MCC: variants seen among roughly 807,000 people sequenced by gnomAD.
MCC encodes MCC regulator of Wnt signaling pathway.
A neutral mutation model predicts 116.2 loss-of-function variants in MCC; 90 were observed. The observed-to-expected ratio is 0.77, with a 90% CI of 0.65 to 0.92. The LOEUF (loss-of-function observed/expected upper bound fraction) is 0.92, where lower values mean the gene tolerates loss of function less well. MCC is among the 40% of genes least tolerant of loss of function. The pLI is 0.00. For synonymous variants in MCC, 578 were observed against 510.5 expected (o/e 1.13, Z -1.78); for missense variants, 1,516 against 1,312.2 (o/e 1.16, Z -2.40).
intron 1 of MCC, among the ~76,000 whole-genome samples, chr5:113,479,055 C>T (rs1046819994): frequency 1.3e-5 from 2 of 152,022 alleles, no homozygotes; most frequent in Non-Finnish European, 2.9e-5. Context: ...TTACAATAGC[C>T]TCAAACTAGA....
Position 113,187,219 on chromosome 5 carries a change from G to T in MCC, c.628-35797C>A, listed in dbSNP as rs958934968. Among the ~76,000 whole-genome samples, 14 of 152,108 alleles carry T rather than the reference G, an allele frequency of 9.2e-5. No homozygotes were observed. In the East Asian group the frequency reaches 9.7e-4, roughly 10 times the overall value. ...GTTCAAGCAAGTTCAAGCAATTCTT[G>T]TGCCCCAGCCTCCTGAGCAGTTGGG... On this transcript the variant is annotated intron_variant, in intron 3 of 18. Transcript: ENST00000408903.
At chr5:113,194,098 G>C (rs1424511833) in intron 3 of MCC, among the ~76,000 whole-genome samples, 1 of 152,116 alleles carries the variant, frequency 6.6e-6, no homozygotes, top group East Asian at 1.9e-4. Context: ...GACTCCTATA[G>C]ATCTAAGCTT....
At chr5:113,275,122 G>A (rs996916557) in intron 3 of MCC, among the ~76,000 whole-genome samples, 4 of 152,078 alleles carry the variant, frequency 2.6e-5, no homozygotes, top group Non-Finnish European at 5.9e-5. Flanking sequence ...AGTCCATCGC[G>A]CGGGTGGGCC....
intron 1 of MCC, among the ~76,000 whole-genome samples, chr5:113,458,906 G>C (rs1459015847): frequency 1.3e-5 from 2 of 152,286 alleles, no homozygotes; most frequent in East Asian, 3.9e-4. Context: ...CTAGAGCAAA[G>C]GTTCAGAAGA....
At position 113,104,314 on chromosome 5, in the gene MCC, T is replaced by C. The variant is rs1756606809; in HGVS notation, c.1069A>G (p.Thr357Ala). The C allele has an allele frequency of 3.1e-6, 5 of 1,613,778 alleles. No homozygotes were observed. The South Asian group carries it at 5.5e-5, about 18-fold the overall frequency. The change falls in exon 7 of 19, where the codon ACA becomes GCA. Residue 357 changes from threonine to alanine, a missense_variant. Transcript: ENST00000408903. The part of the protein sequence containing the change: ...DLNSELQRVL[T>A]GLENVVCGRK... ...CCGCAGACAACATTCTCCAGCCCTG[T>C]CAGCACCCTCTGCAGTTCTGAGTTC...
rs1770094781 is a variant in MCC, at chr5:113,414,710, T to C, written c.171-29498A>G. On this transcript the variant is annotated intron_variant, in intron 1 of 18. Coordinates refer to ENST00000408903, the MANE Select transcript of MCC (RefSeq NM_001085377.2). ...ATATAGGACACTGATGGGTCTTGAC[T>C]CTTTATCCAATTTGCCAGTCTGTGT... Among the ~76,000 whole-genome samples the C allele has an allele frequency of 2.0e-5, 3 of 152,336 alleles. No individual in the cohort carries two copies. The South Asian group carries it at 6.2e-4, about 32-fold the overall frequency.
chr5:113,123,430 G>A (rs529296604), intron 5 of MCC, among the ~76,000 whole-genome samples: 2 of 152,332 alleles, frequency 1.3e-5, no homozygotes, highest in Middle Eastern at 3.4e-3. Flanking sequence ...AGGATGCAAT[G>A]AGGAGAAAAC....
At position 113,302,269 on chromosome 5, in the gene MCC, T is replaced by C. The variant is rs1766881625; in HGVS notation, c.627+38250A>G. 2.6e-5 allele frequency among the ~76,000 whole-genome samples: 4 copies of C among 152,106 alleles called. No homozygotes were observed. The South Asian group carries it at 6.2e-4, about 24-fold the overall frequency. On this transcript the variant is annotated intron_variant, in intron 3 of 18. Transcript: ENST00000408903. ...TACATTAACCACAAAAAAAACCCTA[T>C]ATAACTCTACTAGACAAAACAATGT...
At position 113,149,021 on chromosome 5, in the gene MCC, C is replaced by A. The variant is rs570842017; in HGVS notation, c.741+2288G>T. The stretch of plus-strand genomic sequence containing the variant: ...CCTCTGTAAAAGCTGTCTTTGTAGG[C>A]TTAAATTTTAATAAATACCTTCCTG... On this transcript the variant is annotated intron_variant, in intron 4 of 18. Transcript: ENST00000408903. Among the ~76,000 whole-genome samples, 22 of 152,274 alleles carry A rather than the reference C, an allele frequency of 1.4e-4. No individual in the cohort carries two copies. The South Asian group carries it at 4.4e-3, about 30-fold the overall frequency.
At chr5:113,359,137 T>C (rs1768484384) in intron 2 of MCC, among the ~76,000 whole-genome samples, 1 of 152,176 alleles carries the variant, frequency 6.6e-6, no homozygotes, top group Non-Finnish European at 1.5e-5. Flanking sequence ...AGCTTATTAG[T>C]GTCTTATTTA....
At chr5:113,389,201 C>T (rs544554530) in intron 1 of MCC, among the ~76,000 whole-genome samples, 8 of 152,122 alleles carry the variant, frequency 5.3e-5, no homozygotes, top group East Asian at 3.8e-4. Context: ...GAACTTGAAT[C>T]GCAGGGTATT....
intron 15 of MCC, among the ~76,000 whole-genome samples, chr5:113,049,874 G>T (rs908456192): frequency 6.6e-6 from 1 of 152,184 alleles, no homozygotes; most frequent in African/African-American, 2.4e-5. Flanking sequence ...GGGCCCAAAT[G>T]AAATCAATAG....
At chr5:113,424,501 G>A (rs984377521) in intron 1 of MCC, among the ~76,000 whole-genome samples, 2 of 152,126 alleles carry the variant, frequency 1.3e-5, no homozygotes, top group African/African-American at 4.8e-5. Flanking sequence ...GATCACTTGA[G>A]GTTAGGAGTT....
chr5:113,349,188 A>G (rs1446799216), intron 2 of MCC, among the ~76,000 whole-genome samples: 1 of 152,010 alleles, frequency 6.6e-6, no homozygotes, highest in East Asian at 1.9e-4. Context: ...GAACACTTCC[A>G]TACTCATTCT....
intron 8 of MCC, among the ~76,000 whole-genome samples, chr5:113,095,767 T>C (rs1043035613): frequency 6.6e-6 from 1 of 152,116 alleles, no homozygotes; most frequent in Non-Finnish European, 1.5e-5. Context: ...TTTGAGTAAG[T>C]CCCGCTTTGC....
At chr5:113,269,141 G>T (rs1765520409) in intron 3 of MCC, 1 of 984,748 alleles carries the variant, frequency 1.0e-6, no homozygotes, top group African/African-American at 1.7e-5. Flanking sequence ...AACCTGGAGG[G>T]AGACAAGGCA....
chr5:113,111,149 G>C (rs989774960), intron 6 of MCC, among the ~76,000 whole-genome samples: 5 of 152,172 alleles, frequency 3.3e-5, no homozygotes, highest in Non-Finnish European at 7.3e-5. Context: ...TTGCTGTTTG[G>C]GGAAAGATCC....
At chr5:113,162,941 G>C (rs554221672) in intron 3 of MCC, among the ~76,000 whole-genome samples, 2 of 152,298 alleles carry the variant, frequency 1.3e-5, no homozygotes, top group African/African-American at 2.4e-5. Flanking sequence ...CAATCAGAAT[G>C]ATTCAACACA....
chr5:113,324,435 A>C (rs1483104874), intron 3 of MCC, among the ~76,000 whole-genome samples: 1 of 152,234 alleles, frequency 6.6e-6, no homozygotes, highest in African/African-American at 2.4e-5. Context: ...TGTGCAAAAG[A>C]GAAGAAACTA....
Sources: allele counts gnomAD v4.1 joint callset (sites outside exome capture counted in the v4.1 genomes callset), GRCh38; gene constraint gnomAD v4.1.1; transcripts MANE v1.5; gene names NCBI Gene and HGNC (gene_info 2026-07-23, HGNC 2026-07-21).